TFDP2: variants seen among roughly 807,000 people sequenced by gnomAD.
TFDP2 encodes the protein transcription factor Dp-2 (E2F dimerization partner 2).
A neutral mutation model predicts 59.3 loss-of-function variants in TFDP2; 17 were observed. The observed-to-expected ratio is 0.29, with a 90% confidence interval of 0.20 to 0.43. TFDP2 has a LOEUF of 0.43. Among genes scored for constraint, TFDP2 ranks in the 20% least tolerant of loss-of-function variants. The pLI is 1.00. For synonymous variants in TFDP2, 180 were observed against 194.7 expected, an observed-to-expected ratio of 0.92 and a Z score of 0.63; for missense variants, 391 against 528.8, an observed-to-expected ratio of 0.74 and a Z score of 2.56.
chr3:142,009,452 C>T (rs534010712), intron 3 of TFDP2, among the ~76,000 whole-genome samples: 1 of 152,164 alleles, frequency 6.6e-6, no homozygotes, highest in Non-Finnish European at 1.5e-5. Context: ...TGGCTCATGC[C>T]TGTAATCCCA....
intron 9 of TFDP2, 50 bp from the exon 10 acceptor site, chr3:141,964,013 G>A (rs963668564): frequency 1.3e-6 from 2 of 1,521,552 alleles, no homozygotes; most frequent in Non-Finnish European, 1.8e-6. Flanking sequence ...AAGTGAGTTG[G>A]AATTTAAAAG....
chr3:141,944,976 A>G lies in TFDP2; in HGVS notation c.*7537T>C, dbSNP rs1935083934. The G allele has an allele frequency of 6.6e-6, 1 of 152,212 alleles. No individual in the cohort carries two copies. Among genetic ancestry groups the G allele is most frequent in the Admixed American group, 6.5e-5 (1 of 15,282 alleles). The allele number at this position is 152,212 out of a possible 1,614,324, so 9.4% of individuals were successfully genotyped here. On this transcript the variant is annotated 3_prime_UTR_variant, in exon 13 of 13. Transcript: ENST00000489671. ...TTTTCCTCTTATCTCTCTTGTTTAAATTGCTTAAAGCATGTGGCACCACGA... is the reference window on the plus strand; with the variant it reads ...TTTTCCTCTTATCTCTCTTGTTTAAGTTGCTTAAAGCATGTGGCACCACGA...
chr3:142,125,460 C>T (rs1390214494), intron 1 of TFDP2, among the ~76,000 whole-genome samples: 2 of 152,038 alleles, frequency 1.3e-5, no homozygotes, highest in Admixed American at 6.6e-5. Context: ...CTTCTATGAG[C>T]TTTTTCTAGA....
intron 3 of TFDP2, among the ~76,000 whole-genome samples, chr3:142,091,862 G>T (rs1004762982): frequency 6.6e-6 from 1 of 152,046 alleles, no homozygotes; most frequent in African/African-American, 2.4e-5. Flanking sequence ...CTTGCTGGCC[G>T]CTCACCTTCT....
intron 3 of TFDP2, among the ~76,000 whole-genome samples, chr3:142,031,031 C>A (rs889679687): frequency 6.6e-6 from 1 of 152,032 alleles, no homozygotes; most frequent in Non-Finnish European, 1.5e-5. Context: ...CGTGAGCCAC[C>A]GCGCCCGGCG....
intron 6 of TFDP2, among the ~76,000 whole-genome samples, chr3:141,986,542 A>C (rs1387002453): frequency 6.6e-6 from 1 of 152,174 alleles, no homozygotes; most frequent in African/African-American, 2.4e-5. Context: ...ATACATTGCA[A>C]TTCATTCATC....
chr3:142,138,575 T>C (rs970195835), intron 1 of TFDP2, among the ~76,000 whole-genome samples: 5 of 152,236 alleles, frequency 3.3e-5, no homozygotes, highest in African/African-American at 1.2e-4. Context: ...TGTGTCTTTG[T>C]TCTCATTGGT....
chr3:141,966,317 C>A (rs1938058534), intron 9 of TFDP2, among the ~76,000 whole-genome samples: 1 of 151,762 alleles, frequency 6.6e-6, no homozygotes, highest in African/African-American at 2.4e-5. Context: ...GGACTACAGG[C>A]ACCCGCCACC....
rs1236125208 is a variant in TFDP2 at position 142,000,353 on chromosome 3, TCC to T, written c.186+5086_186+5087del. 4.3e-6 allele frequency: 3 copies of T among 702,260 alleles called. No individual in the cohort carries two copies. The African/African-American group carries it at 5.2e-5, about 12-fold the overall frequency. 43.5% of individuals were successfully genotyped at this position (702,260 alleles called of 1,614,324 possible). A position where few individuals can be genotyped will look rare whatever the true frequency, so the allele number is the denominator to read the frequency against. On this transcript the variant is annotated intron_variant, in intron 4 of 12. Coordinates refer to ENST00000489671, the MANE Select transcript of TFDP2 (RefSeq NM_001178139.2). ...TCAAAGATGATGCCTTCTGGTTGCA[TCC>T]TAATAGCAGAAAGGGTCCAGGGTGC...
At chr3:141,969,843 A>T (rs1287636593) in intron 9 of TFDP2, among the ~76,000 whole-genome samples, 4 of 152,166 alleles carry the variant, frequency 2.6e-5, no homozygotes, top group Admixed American at 2.6e-4. Flanking sequence ...TGCCTGGCGT[A>T]AGTCACACAC....
At chr3:142,126,765 G>A (rs2062269164) in intron 1 of TFDP2, among the ~76,000 whole-genome samples, 5 of 151,534 alleles carry the variant, frequency 3.3e-5, no homozygotes, top group Non-Finnish European at 7.4e-5. Context: ...TGGCCAACAT[G>A]GTGAAACCCC....
chr3:142,050,803 A>T (rs992783272), intron 3 of TFDP2, among the ~76,000 whole-genome samples: 1 of 151,840 alleles, frequency 6.6e-6, no homozygotes, highest in Admixed American at 6.6e-5. Context: ...AGCTGAAATC[A>T]CTCCACTGCA....
At chr3:142,149,103 G>A (rs1577091052) in intron 1 of TFDP2, 80 bp downstream of exon 1, 1 of 397,274 alleles carries the variant, frequency 2.5e-6, no homozygotes. Flanking sequence ...TGCGCAGGGA[G>A]GGAAACCTAC....
In TFDP2 at chr3:142,121,919, G is replaced by A. The variant is rs550200967; in HGVS notation, c.-92-20078C>T. Among the ~76,000 whole-genome samples the A allele has an allele frequency of 6.6e-6, 1 of 152,046 alleles. No homozygotes were observed. The highest frequency in any genetic ancestry group is 1.5e-5 in the Non-Finnish European group (1 of 67,980). On this transcript the variant is annotated intron_variant, in intron 1 of 12. Coordinates refer to ENST00000489671, the MANE Select transcript of TFDP2 (RefSeq NM_001178139.2). The surrounding 1 kb of genome is among the most constrained non-coding windows in gnomAD (Gnocchi z 4.3). ...CTGACCTAGGCAATCTAAAGAAGGG[G>A]AAAGAAAACACCTATCAGTTACAGC...
chr3:142,015,534 C>T (rs1256697318), intron 3 of TFDP2, among the ~76,000 whole-genome samples: 1 of 152,170 alleles, frequency 6.6e-6, no homozygotes, highest in African/African-American at 2.4e-5. Flanking sequence ...TTCATAAGTC[C>T]CGCAAGCTGG....
chr3:142,093,756 A>G (rs895664368), intron 2 of TFDP2, among the ~76,000 whole-genome samples: 13 of 152,148 alleles, frequency 8.5e-5, no homozygotes, highest in Non-Finnish European at 1.5e-5. Flanking sequence ...CTTAAGTCCA[A>G]CTGCTTGGAT....
chr3:142,028,769 A>G (rs183322194), intron 3 of TFDP2: 1,379 of 952,286 alleles, frequency 1.4e-3, no homozygotes, highest in Middle Eastern at 3.3e-3. Context: ...TTCAAAAGAC[A>G]TATGAATACT....
At chr3:142,039,783 A>G (rs1946869577) in intron 3 of TFDP2, among the ~76,000 whole-genome samples, 1 of 152,178 alleles carries the variant, frequency 6.6e-6, no homozygotes, top group Non-Finnish European at 1.5e-5. Flanking sequence ...GGGCAAGGAT[A>G]TGAATAGAGA....
chr3:141,975,751 A>G (rs2108036549), intron 7 of TFDP2, among the ~76,000 whole-genome samples: 1 of 152,172 alleles, frequency 6.6e-6, no homozygotes, highest in South Asian at 2.1e-4. Context: ...TGTAACAACA[A>G]GTACTGGGAG....
Sources: allele counts gnomAD v4.1 joint callset (sites outside exome capture counted in the v4.1 genomes callset), GRCh38; gene constraint gnomAD v4.1.1; non-coding constraint Gnocchi (gnomAD v3.1); transcripts MANE v1.5; gene names NCBI Gene and HGNC (gene_info 2026-07-23, HGNC 2026-07-21).